Variants in CDH4 observed in about 807,000 individuals in gnomAD.
CDH4 encodes the protein cadherin-4.
A neutral mutation model predicts 86.0 loss-of-function variants in CDH4; 33 were observed. That is an observed-to-expected ratio of 0.38 (90% CI 0.29 to 0.51). The LOEUF (loss-of-function observed/expected upper bound fraction) is 0.51. CDH4 is among the 20% of genes least tolerant of loss of function. The pLI, the probability that CDH4 is intolerant of heterozygous loss-of-function variation, is 0.86. For missense variants in CDH4, 1,114 were observed against 1,307.4 expected (o/e 0.85, Z 2.28); for synonymous variants, 555 against 549.4 (o/e 1.01, Z -0.14).
rs966218547 is a variant in CDH4 at position 61,818,992 on chromosome 20, G to A, written c.577-25676G>A. On this transcript the variant is annotated intron_variant, in intron 4 of 15. Coordinates refer to ENST00000614565, the MANE Select transcript of CDH4 (RefSeq NM_001794.5). ...CTTAGGGTGAGCCCTTGGAACTGTC[G>A]GGAGACCTGCTGGCACTTTCTGAGG... Among the ~76,000 whole-genome samples, 11 of 152,318 alleles carry A rather than the reference G, an allele frequency of 7.2e-5. 1 individual carries two copies. The South Asian group carries it at 8.3e-4, about 11-fold the overall frequency.
chr20:61,369,221 G>A (rs183881545), intron 2 of CDH4, among the ~76,000 whole-genome samples: 7 of 152,136 alleles, frequency 4.6e-5, no homozygotes, highest in African/African-American at 1.4e-4. Context: ...GGGAGGCTGA[G>A]GCGGGCAGAT....
chr20:61,280,904 A>G (rs1600829882), intron 2 of CDH4, among the ~76,000 whole-genome samples: 1 of 152,032 alleles, frequency 6.6e-6, no homozygotes, highest in Non-Finnish European at 1.5e-5. Context: ...GGAACAGCTC[A>G]CCCTGCCGCC....
chr20:61,318,949 A>G (rs901156122), intron 2 of CDH4, among the ~76,000 whole-genome samples: 4 of 152,242 alleles, frequency 2.6e-5, no homozygotes, highest in African/African-American at 9.6e-5. Context: ...TGATGCTGCC[A>G]TCGGCCTGAG....
chr20:61,306,103 T>C (rs1661854334), intron 2 of CDH4, among the ~76,000 whole-genome samples: 1 of 152,232 alleles, frequency 6.6e-6, no homozygotes, highest in African/African-American at 2.4e-5. Context: ...TTGAAAACTT[T>C]GAAGGCTTCT....
chr20:61,757,849 A>G (rs2088584325), intron 3 of CDH4, among the ~76,000 whole-genome samples: 1 of 152,210 alleles, frequency 6.6e-6, no homozygotes, highest in South Asian at 2.1e-4. Context: ...GCATGGCCAC[A>G]GGACTGGACC....
In CDH4 at chr20:61,377,585, T is replaced by C. The variant is rs2084879259; in HGVS notation, c.169+122648T>C. On this transcript the variant is annotated intron_variant, in intron 2 of 15. Coordinates refer to ENST00000614565, the MANE Select transcript of CDH4 (RefSeq NM_001794.5). The surrounding 1 kb of genome is among the most constrained non-coding windows in gnomAD (Gnocchi z 4.0). ...ACCATTGCATGGTGCTTTTCTGTAG[T>C]CAACGAGTCGCTTTAGCTTTCAAAC... Among the ~76,000 whole-genome samples the C allele has an allele frequency of 6.6e-6, 1 of 152,222 alleles. No homozygotes were observed. Among genetic ancestry groups the C allele is most frequent in the South Asian group, 2.1e-4 (1 of 4,834 alleles).
chr20:61,630,987 C>T (rs2086882113), intron 2 of CDH4, among the ~76,000 whole-genome samples: 1 of 152,186 alleles, frequency 6.6e-6, no homozygotes, highest in South Asian at 2.1e-4. Context: ...GGTGGGCGTG[C>T]CCCAGGAAAT....
chr20:61,706,129 G>T (rs116930545), intron 2 of CDH4, among the ~76,000 whole-genome samples: 2,401 of 152,310 alleles, frequency 0.016, 26 homozygotes, highest in Non-Finnish European at 0.026. Context: ...AGGAACAGCC[G>T]GCCCGACGCC....
intron 2 of CDH4, among the ~76,000 whole-genome samples, chr20:61,398,710 C>G (rs184793813): frequency 9.7e-4 from 148 of 152,370 alleles, no homozygotes; most frequent in African/African-American, 3.4e-3. Context: ...ATATCTTCAC[C>G]ACCACATTCA....
Position 61,392,642 on chromosome 20 carries a change from ATGT to A in CDH4, c.169+137709_169+137711del, listed in dbSNP as rs1206405052. On this transcript the variant is annotated intron_variant, in intron 2 of 15. Transcript: ENST00000614565. The surrounding 1 kb of genome is among the most constrained non-coding windows in gnomAD (Gnocchi z 5.7). ...AAATATGGTCCTATTACTTGGTAAA[ATGT>A]TGTGCTATGTTGTTAATTCAACTCC... Among the ~76,000 whole-genome samples, 1 of 152,118 alleles carries A rather than the reference ATGT, an allele frequency of 6.6e-6. No homozygotes were observed. Among genetic ancestry groups the A allele is most frequent in the Admixed American group, 6.5e-5 (1 of 15,276 alleles).
At chr20:61,729,079 C>T (rs1027309586) in intron 2 of CDH4, among the ~76,000 whole-genome samples, 1 of 151,520 alleles carries the variant, frequency 6.6e-6, no homozygotes, top group Non-Finnish European at 1.5e-5. Flanking sequence ...ACAAGCAAGG[C>T]TTTGCCCATT....
intron 2 of CDH4, among the ~76,000 whole-genome samples, chr20:61,472,846 A>T (rs1481912832): frequency 3.3e-5 from 5 of 152,222 alleles, no homozygotes; most frequent in African/African-American, 1.2e-4. Flanking sequence ...TTAGTCAAAT[A>T]TGAATCATCT....
intron 2 of CDH4, among the ~76,000 whole-genome samples, chr20:61,686,784 T>TGC (rs930112208): frequency 6.6e-6 from 1 of 152,228 alleles, no homozygotes; most frequent in African/African-American, 2.4e-5. Context: ...CGTGTGTGTG[T>TGC]GCATGTGTGC....
At chr20:61,331,618 G>GACCCACCTCCT (rs1568801064) in intron 2 of CDH4, among the ~76,000 whole-genome samples, 5 of 99,120 alleles carry the variant, frequency 5.0e-5, no homozygotes, top group Admixed American at 2.1e-4. Flanking sequence ...ACCTGCCCCA[G>GACCCACCTCCT]GCCCACCTCC....
intron 4 of CDH4, among the ~76,000 whole-genome samples, chr20:61,803,586 C>T (rs1463111397): frequency 3.3e-5 from 5 of 152,210 alleles, no homozygotes; most frequent in Admixed American, 1.3e-4. Context: ...CTACCGCGGG[C>T]GAGCCGCAGG....
At position 61,928,419 on chromosome 20, in the gene CDH4, G is replaced by C. The variant is rs75866194; in HGVS notation, c.2001G>C (p.Leu667=). Reference sequence around the variant, plus strand: ...GGAAGAACTGGACCATCACCCGCCTGAACGGTGAGCCCGCCTTAGGCCACG... The same window carrying C: ...GGAAGAACTGGACCATCACCCGCCTCAACGGTGAGCCCGCCTTAGGCCACG... ...AVRKNWTITR[L]NGDYAQLSLR... is the part of the protein sequence containing the mutation. Residue 667 remains leucine, a synonymous_variant, in exon 12 of 16, where the codon CTG becomes CTC. Transcript: ENST00000614565. The C allele has an allele frequency of 2.1e-3, 3,435 of 1,611,638 alleles. 48 individuals carry two copies. The African/African-American group carries it at 0.034, about 16-fold the overall frequency.
At chr20:61,588,777 G>A (rs923938300) in intron 2 of CDH4, among the ~76,000 whole-genome samples, 4 of 152,124 alleles carry the variant, frequency 2.6e-5, no homozygotes, top group African/African-American at 7.2e-5. Context: ...TGTCTTTCCC[G>A]AGAAAAGCCG....
chr20:61,337,512 G>T (rs143062484), intron 2 of CDH4, among the ~76,000 whole-genome samples: 164 of 152,052 alleles, frequency 1.1e-3, no homozygotes, highest in African/African-American at 3.9e-3. Flanking sequence ...AACGGATGAT[G>T]ATGAAAGGGA....
At chr20:61,849,375 C>T (rs773838660) in intron 5 of CDH4, among the ~76,000 whole-genome samples, 1 of 152,220 alleles carries the variant, frequency 6.6e-6, no homozygotes, top group South Asian at 2.1e-4. Flanking sequence ...CACTGTGTAA[C>T]GAATCAGCAC....
Sources: allele counts gnomAD v4.1 joint callset (sites outside exome capture counted in the v4.1 genomes callset), GRCh38; gene constraint gnomAD v4.1.1; non-coding constraint Gnocchi (gnomAD v3.1); transcripts MANE v1.5; gene names NCBI Gene and HGNC (gene_info 2026-07-23, HGNC 2026-07-21).